Variants in PINX1 observed in about 807,000 individuals in gnomAD.
PINX1 encodes the protein PIN2 (TERF1) interacting telomerase inhibitor 1.
Under a neutral mutation model 25.4 loss-of-function variants are expected in PINX1, and 34 were observed. The observed-to-expected ratio is 1.34, with a 90% CI of 1.02 to 1.78. The LOEUF is 1.78. Among genes scored for constraint, PINX1 ranks in the 40% most tolerant of loss-of-function variants. The probability of loss-of-function intolerance (pLI) is 0.00; values close to 1 mark genes in which losing one functional copy is unlikely to be tolerated. For missense variants in PINX1, 592 were observed against 404.9 expected, an observed-to-expected ratio of 1.46 and a Z score of -3.97; for synonymous variants, 197 against 147.7, an observed-to-expected ratio of 1.33 and a Z score of -2.42.
chr8:10,794,629 G>T (rs1158217287), intron 6 of PINX1, among the ~76,000 whole-genome samples: 1 of 152,074 alleles, frequency 6.6e-6, no homozygotes, highest in Non-Finnish European at 1.5e-5. Flanking sequence ...GTTTCACCAT[G>T]TTGACCAGGC....
At chr8:10,825,542 C>A in intron 5 of PINX1, 1 of 503,156 alleles carries the variant, frequency 2.0e-6, no homozygotes, top group Non-Finnish European at 4.1e-6. Context: ...ACCGCATGCA[C>A]AAATGATTTC....
chr8:10,814,329 T>C (rs1262238695), intron 6 of PINX1, among the ~76,000 whole-genome samples: 1 of 152,190 alleles, frequency 6.6e-6, no homozygotes, highest in Non-Finnish European at 1.5e-5. Context: ...AGCAAGTACT[T>C]CTGAATAGCC....
At chr8:10,795,526 A>G (rs1357132513) in intron 6 of PINX1, among the ~76,000 whole-genome samples, 1 of 152,164 alleles carries the variant, frequency 6.6e-6, no homozygotes, top group Non-Finnish European at 1.5e-5. Context: ...TCAGCATCCC[A>G]AGTAGCTGGG....
chr8:10,828,435 G>A (rs954907219), intron 4 of PINX1, among the ~76,000 whole-genome samples: 2 of 152,144 alleles, frequency 1.3e-5, no homozygotes, highest in Non-Finnish European at 2.9e-5. Context: ...CTCCATAAGA[G>A]AGCTGCTGTG....
At chr8:10,809,278 C>T (rs1199322553) in intron 6 of PINX1, among the ~76,000 whole-genome samples, 1 of 152,168 alleles carries the variant, frequency 6.6e-6, no homozygotes, top group Admixed American at 6.5e-5. Flanking sequence ...GATCCTCTAC[C>T]AATAAAGAGA....
At chr8:10,787,044 C>T (rs1222066563) in intron 6 of PINX1, among the ~76,000 whole-genome samples, 2 of 152,134 alleles carry the variant, frequency 1.3e-5, no homozygotes, top group African/African-American at 4.8e-5. Context: ...AAACGACATA[C>T]ATTTTAACAG....
intron 6 of PINX1, among the ~76,000 whole-genome samples, chr8:10,797,811 T>C (rs1229447895): frequency 6.6e-6 from 1 of 152,142 alleles, no homozygotes; most frequent in Non-Finnish European, 1.5e-5. Flanking sequence ...ATTCAAAAAT[T>C]TGAATTAGGA....
intron 6 of PINX1, among the ~76,000 whole-genome samples, chr8:10,818,220 T>C (rs1267375838): frequency 6.6e-6 from 1 of 152,066 alleles, no homozygotes; most frequent in Non-Finnish European, 1.5e-5. Context: ...CAAAACACGA[T>C]GTTGCATCAA....
intron 6 of PINX1, among the ~76,000 whole-genome samples, chr8:10,784,717 G>A (rs1801693352): frequency 6.6e-6 from 1 of 152,206 alleles, no homozygotes; most frequent in African/African-American, 2.4e-5. Context: ...ACCTCCATGT[G>A]ATTTTAAGAG....
At chr8:10,815,505 G>T (rs141041174) in intron 6 of PINX1, among the ~76,000 whole-genome samples, 4 of 151,894 alleles carry the variant, frequency 2.6e-5, no homozygotes, top group African/African-American at 7.2e-5. Flanking sequence ...ATTTTTTTTT[G>T]AATGAAGACT....
chr8:10,818,071 T>G (rs1797754871), intron 6 of PINX1, among the ~76,000 whole-genome samples: 1 of 152,206 alleles, frequency 6.6e-6, no homozygotes, highest in Non-Finnish European at 1.5e-5. Flanking sequence ...CAGGACGACC[T>G]TGTTGAGAAC....
chr8:10,765,051 G>T lies in PINX1; in HGVS notation c.*350C>A, dbSNP rs914901768. 8.3e-5 allele frequency: 17 copies of T among 204,078 alleles called. No homozygotes were observed. The highest frequency in any genetic ancestry group is 4.3e-4 in the African/African-American group (17 of 39,824). 12.6% of individuals were successfully genotyped at this position (204,078 alleles called of 1,614,324 possible). On this transcript the variant is annotated 3_prime_UTR_variant, in exon 7 of 7. Transcript: ENST00000314787. ...AGGGAACCGAGAGCAAACGGAGATA[G>T]TGACACACACACACACACACAGATG...
In PINX1 at chr8:10,834,775, C is replaced by T; in HGVS notation, c.20G>A (p.Arg7His). The change falls in exon 2 of 7, where the codon CGT becomes CAT. Residue 7 changes from arginine (R) to histidine (H), a missense_variant and splice_region_variant. Transcript: ENST00000314787. ...CACAGCCCACTTCTGCTTCCGCCGA[C>T]CTGTAAATGAAAAAGCATTATCATC... is the stretch of plus-strand genomic sequence containing the variant. MSMLAE[R>H]RRKQKWAVDP... The T allele has an allele frequency of 6.2e-7, 1 of 1,608,926 alleles. No individual in the cohort carries two copies. The highest frequency in any genetic ancestry group is 1.1e-5 in the South Asian group (1 of 90,272).
At position 10,839,370 on chromosome 8, in the gene PINX1, C is replaced by G. The variant is rs141657092; in HGVS notation, c.19+368G>C. ...AAGTGATCCTTCTGCTCAACCTTCTCTTTTTAACCTCAGGAAGCTGAGGTC... is the reference window on the plus strand; with the variant it reads ...AAGTGATCCTTCTGCTCAACCTTCTGTTTTTAACCTCAGGAAGCTGAGGTC... On this transcript the variant is annotated intron_variant, in intron 1 of 6. Transcript: ENST00000314787. 5.1e-3 allele frequency among the ~76,000 whole-genome samples: 771 copies of G among 152,342 alleles called. 6 individuals are homozygous for G. Among genetic ancestry groups the G allele is most frequent in the African/African-American group, 0.017 (719 of 41,572 alleles).
At chr8:10,817,457 G>T (rs982473681) in intron 6 of PINX1, among the ~76,000 whole-genome samples, 9 of 152,158 alleles carry the variant, frequency 5.9e-5, no homozygotes, top group African/African-American at 2.2e-4. Flanking sequence ...ACTCAAGGAA[G>T]GTACCGGTAT....
chr8:10,812,207 T>C (rs1266107530), intron 6 of PINX1, among the ~76,000 whole-genome samples: 2 of 152,244 alleles, frequency 1.3e-5, no homozygotes, highest in Non-Finnish European at 2.9e-5. Flanking sequence ...GCCTTTCACA[T>C]TCATCTACTG....
At chr8:10,794,538 G>C (rs989594798) in intron 6 of PINX1, among the ~76,000 whole-genome samples, 2 of 151,956 alleles carry the variant, frequency 1.3e-5, no homozygotes, top group East Asian at 3.9e-4. Context: ...CTGGTTTCAA[G>C]TGATTCTCCT....
intron 6 of PINX1, among the ~76,000 whole-genome samples, chr8:10,769,469 T>C (rs1383936423): frequency 1.3e-5 from 2 of 152,336 alleles, no homozygotes; most frequent in East Asian, 3.9e-4. Context: ...GAGATGACTC[T>C]GGAGCACCTG....
intron 6 of PINX1, among the ~76,000 whole-genome samples, chr8:10,782,379 T>C (rs1394808639): frequency 6.6e-6 from 1 of 151,886 alleles, no homozygotes; most frequent in Non-Finnish European, 1.5e-5. Context: ...TGTCACTACA[T>C]ATATGTAACT....
Sources: allele counts gnomAD v4.1 joint callset (sites outside exome capture counted in the v4.1 genomes callset), GRCh38; gene constraint gnomAD v4.1.1; transcripts MANE v1.5; gene names NCBI Gene and HGNC (gene_info 2026-07-23, HGNC 2026-07-21).